Variants in SNTA1 observed in about 807,000 individuals in gnomAD.
SNTA1 encodes syntrophin alpha 1, also known as alpha-1-syntrophin.
A neutral mutation model predicts 47.1 loss-of-function variants in SNTA1; 31 were observed. That is an observed-to-expected ratio of 0.66 (90% CI 0.49 to 0.89). SNTA1 has a LOEUF of 0.89. Among genes scored for constraint, SNTA1 ranks in the 40% least tolerant of loss-of-function variants. The probability of loss-of-function intolerance (pLI) is 0.00; values close to 1 mark genes in which losing one functional copy is unlikely to be tolerated. For missense variants in SNTA1, 575 were observed against 693.0 expected (o/e 0.83, Z 1.91); for synonymous variants, 300 against 313.6 (o/e 0.96, Z 0.46).
In SNTA1 at chr20:33,443,597, C is replaced by T; in HGVS notation, c.24G>A (p.Pro8=). MASGRRA[P]RTGLLELRAG... is the part of the protein sequence containing the mutation. ...CGCGCAGCTCCAGCAGCCCGGTGCG[C>T]GGGGCGCGCCTGCCGGACGCCATCT... The change falls in exon 1 of 8, where the codon CCG becomes CCA. Residue 8 remains proline (P), a synonymous_variant. Transcript: ENST00000217381. The T allele has an allele frequency of 8.1e-7, 1 of 1,237,716 alleles. No homozygotes were observed. Among genetic ancestry groups the T allele is most frequent in the Non-Finnish European group, 1.0e-6 (1 of 990,412 alleles). 76.7% of individuals were successfully genotyped at this position (1,237,716 alleles called of 1,614,324 possible). A position where few individuals can be genotyped will look rare whatever the true frequency, so the allele number is the denominator to read the frequency against.
intron 2 of SNTA1, among the ~76,000 whole-genome samples, chr20:33,432,524 G>T (rs901437418): frequency 2.6e-5 from 4 of 152,178 alleles, no homozygotes; most frequent in African/African-American, 9.7e-5. Context: ...AGACCTGGGG[G>T]CTGAGAGACA....
chr20:33,419,293 G>A lies in SNTA1; in HGVS notation c.497-1370C>T, dbSNP rs540340442. 2.0e-5 allele frequency among the ~76,000 whole-genome samples: 3 copies of A among 152,282 alleles called. No homozygotes were observed. The East Asian group carries it at 5.8e-4, about 29-fold the overall frequency. On this transcript the variant is annotated intron_variant, in intron 2 of 7. Transcript: ENST00000217381. ...CGTCTGCAGTCAAAGCCCAGCCAAC[G>A]TGCCCTGTGAGTGGACAGCCCAGGA...
intron 1 of SNTA1, among the ~76,000 whole-genome samples, chr20:33,440,473 A>G (rs1335884581): frequency 1.3e-5 from 2 of 151,872 alleles, no homozygotes; most frequent in South Asian, 2.1e-4. Context: ...AAATAAATAA[A>G]TAAATAAATA....
intron 2 of SNTA1, 81 bp from the exon 3 acceptor site, chr20:33,418,004 G>A: frequency 1.0e-6 from 1 of 955,332 alleles, no homozygotes; most frequent in Non-Finnish European, 1.7e-6. Flanking sequence ...TTTATTAAGA[G>A]TTTAATTTAC....
intron 1 of SNTA1, among the ~76,000 whole-genome samples, chr20:33,439,950 C>T (rs1990538761): frequency 6.6e-6 from 1 of 151,726 alleles, no homozygotes; most frequent in Non-Finnish European, 1.5e-5. Context: ...ATAGTGAAAC[C>T]CTGTCCCTAC....
intron 3 of SNTA1, among the ~76,000 whole-genome samples, chr20:33,413,042 G>A (rs887745523): frequency 2.0e-5 from 3 of 152,126 alleles, no homozygotes; most frequent in African/African-American, 4.8e-5. Flanking sequence ...ACAGAGCCTC[G>A]CTCTGTCACC....
chr20:33,424,032 C>T (rs574813281), intron 2 of SNTA1, among the ~76,000 whole-genome samples: 5 of 150,018 alleles, frequency 3.3e-5, no homozygotes, highest in East Asian at 2.0e-4. Flanking sequence ...TAGTACCTGA[C>T]GGCCGGGCGC....
intron 2 of SNTA1, among the ~76,000 whole-genome samples, chr20:33,424,043 G>A (rs182200576): frequency 4.6e-5 from 7 of 152,168 alleles, no homozygotes; most frequent in East Asian, 1.9e-4. Flanking sequence ...GGCCGGGCGC[G>A]GTGGCTCACA....
At chr20:33,429,781 G>A (rs955923305) in intron 2 of SNTA1, among the ~76,000 whole-genome samples, 4 of 150,848 alleles carry the variant, frequency 2.7e-5, no homozygotes, top group Non-Finnish European at 5.9e-5. Context: ...TTTTTTTTTC[G>A]AGACAGGGTC....
At position 33,408,769 on chromosome 20, in the gene SNTA1, G is replaced by A. The variant is rs766629024; in HGVS notation, c.1357C>T (p.Leu453=). 6.2e-7 allele frequency: 1 copy of A among 1,614,184 alleles called. No individual in the cohort carries two copies. Among genetic ancestry groups the A allele is most frequent in the South Asian group, 1.1e-5 (1 of 91,086 alleles). Residue 453 remains leucine (L), a synonymous_variant, in exon 7 of 8, where the codon CTG becomes TTG. Transcript: ENST00000217381. ...AVLLRQPFEK[L]QMSSDDGASL... ...GCACCGTCATCTGAAGACATCTGCA[G>A]CTTCTCGAAGGGCTGTCGCAGGAGC...
chr20:33,441,708 C>G (rs1990582949), intron 1 of SNTA1, among the ~76,000 whole-genome samples: 1 of 152,110 alleles, frequency 6.6e-6, no homozygotes, highest in Non-Finnish European at 1.5e-5. Flanking sequence ...CCTAAAAGTA[C>G]CCTCCCCTCC....
chr20:33,408,614 G>T lies in SNTA1; in HGVS notation c.1426-15C>A. The T allele has an allele frequency of 6.2e-7, 1 of 1,612,862 alleles. No homozygotes were observed. Among genetic ancestry groups the T allele is most frequent in the African/African-American group, 1.3e-5 (1 of 75,014 alleles). Reference sequence around the variant, plus strand: ...AGGTCCAGCTGCTGGAGGGTGGATGGAGAGAAGAGTCAGGGCCCTGGCCAG... The same window carrying T: ...AGGTCCAGCTGCTGGAGGGTGGATGTAGAGAAGAGTCAGGGCCCTGGCCAG... On this transcript the variant is annotated splice_polypyrimidine_tract_variant and intron_variant, in intron 7 of 7. Transcript: ENST00000217381.
rs989475289 is a variant in SNTA1 at position 33,407,974 on chromosome 20, T to G, written c.*533A>C. On this transcript the variant is annotated 3_prime_UTR_variant, in exon 8 of 8. Transcript: ENST00000217381. ...ACCACATACACTGGGCCGGGCTGCC[T>G]GTGTGCTCACAGGCTGTTTATTTAT... 29 of 199,800 alleles carry G rather than the reference T, an allele frequency of 1.5e-4. No individual in the cohort carries two copies. Among genetic ancestry groups the G allele is most frequent in the Non-Finnish European group, 2.3e-4 (22 of 95,962 alleles). 12.4% of individuals were successfully genotyped at this position (199,800 alleles called of 1,614,324 possible). A position where few individuals can be genotyped will look rare whatever the true frequency, so the allele number is the denominator to read the frequency against.
intron 1 of SNTA1, among the ~76,000 whole-genome samples, chr20:33,442,994 G>A (rs1262794955): frequency 6.6e-6 from 1 of 151,814 alleles, no homozygotes; most frequent in Non-Finnish European, 1.5e-5. Context: ...CTTTCCGGGG[G>A]ACCCCTCTTG....
At chr20:33,442,080 G>A (rs1990591447) in intron 1 of SNTA1, among the ~76,000 whole-genome samples, 1 of 152,088 alleles carries the variant, frequency 6.6e-6, no homozygotes, top group Non-Finnish European at 1.5e-5. Context: ...TGTAATCGTG[G>A]GAAAATCATT....
intron 2 of SNTA1, among the ~76,000 whole-genome samples, chr20:33,420,255 C>T (rs758243741): frequency 6.6e-6 from 1 of 152,100 alleles, no homozygotes; most frequent in South Asian, 2.1e-4. Context: ...GGGATCCACA[C>T]ATTGAGGATG....
At chr20:33,423,728 G>A (rs376505315) in intron 2 of SNTA1, among the ~76,000 whole-genome samples, 10 of 152,304 alleles carry the variant, frequency 6.6e-5, no homozygotes, top group African/African-American at 1.4e-4. Flanking sequence ...TCACATATGC[G>A]TTGCTGAGAG....
chr20:33,441,680 T>C (rs1236146623), intron 1 of SNTA1, among the ~76,000 whole-genome samples: 3 of 152,096 alleles, frequency 2.0e-5, no homozygotes, highest in African/African-American at 7.2e-5. Context: ...TTGGATCCAA[T>C]GGAAATACCT....
At chr20:33,411,163 T>A (rs915971562) in intron 5 of SNTA1, among the ~76,000 whole-genome samples, 1 of 151,984 alleles carries the variant, frequency 6.6e-6, no homozygotes, top group Non-Finnish European at 1.5e-5. Context: ...TATAGCTCAG[T>A]TCCCCCCGCC....
Sources: allele counts gnomAD v4.1 joint callset (sites outside exome capture counted in the v4.1 genomes callset), GRCh38; gene constraint gnomAD v4.1.1; transcripts MANE v1.5; gene names NCBI Gene and HGNC (gene_info 2026-07-23, HGNC 2026-07-21).